Variants in KCNH8 observed in about 807,000 individuals in gnomAD.
KCNH8 encodes voltage-gated delayed rectifier potassium channel KCNH8.
In KCNH8, 70 loss-of-function variants were observed where a neutral mutation model predicts 103.6. The ratio of observed to expected loss-of-function variants is 0.68; its 90% CI spans 0.56 to 0.82. The LOEUF (loss-of-function observed/expected upper bound fraction) is 0.82, where lower values mean the gene tolerates loss of function less well. Ranked by LOEUF, KCNH8 falls within the 40% of genes least tolerant of loss-of-function variation. The pLI, the probability that KCNH8 is intolerant of heterozygous loss-of-function variation, is 0.00. For missense variants in KCNH8, 1,217 were observed against 1,329.9 expected, an observed-to-expected ratio of 0.92 and a Z score of 1.32; for synonymous variants, 498 against 489.4, an observed-to-expected ratio of 1.02 and a Z score of -0.23.
intron 11 of KCNH8, among the ~76,000 whole-genome samples, chr3:19,487,468 T>C (rs1338233811): frequency 1.3e-5 from 2 of 152,116 alleles, no homozygotes; most frequent in Non-Finnish European, 1.5e-5. Context: ...TTCTAAATTA[T>C]AGGTGCTTTT....
chr3:19,238,376 TC>T (rs1400442966), intron 1 of KCNH8, among the ~76,000 whole-genome samples: 8 of 152,080 alleles, frequency 5.3e-5, no homozygotes, highest in Non-Finnish European at 1.2e-4. Flanking sequence ...TGGTATAATT[TC>T]CCTGTCTCAA....
At chr3:19,190,423 G>A (rs2063540067) in intron 1 of KCNH8, among the ~76,000 whole-genome samples, 1 of 151,854 alleles carries the variant, frequency 6.6e-6, no homozygotes, top group African/African-American at 2.4e-5. Flanking sequence ...AGCAGATTGA[G>A]TTTTTTATTG....
At chr3:19,525,812 C>T (rs1366415142) in intron 15 of KCNH8, among the ~76,000 whole-genome samples, 1 of 151,948 alleles carries the variant, frequency 6.6e-6, no homozygotes, top group Non-Finnish European at 1.5e-5. Flanking sequence ...ATTCTAGTCT[C>T]TCCAGCTGTA....
chr3:19,432,288 A>G (rs2125166928), intron 7 of KCNH8, among the ~76,000 whole-genome samples: 1 of 152,302 alleles, frequency 6.6e-6, no homozygotes, highest in South Asian at 2.1e-4. Context: ...TTTTCAATAG[A>G]TGACAACACC....
At chr3:19,333,325 G>A (rs2125311526) in intron 3 of KCNH8, among the ~76,000 whole-genome samples, 1 of 152,240 alleles carries the variant, frequency 6.6e-6, no homozygotes, top group South Asian at 2.1e-4. Flanking sequence ...CTAATTTGAA[G>A]CTTCCATATA....
chr3:19,324,042 G>A (rs1473936685), intron 3 of KCNH8, among the ~76,000 whole-genome samples: 1 of 152,170 alleles, frequency 6.6e-6, no homozygotes, highest in Non-Finnish European at 1.5e-5. Context: ...GGATCAGGCA[G>A]TGGGTGGATC....
At chr3:19,420,889 T>G (rs970593705) in intron 7 of KCNH8, among the ~76,000 whole-genome samples, 6 of 152,206 alleles carry the variant, frequency 3.9e-5, no homozygotes, top group African/African-American at 1.4e-4. Context: ...ATCAACAACA[T>G]GCTTAGTGAA....
chr3:19,337,687 C>T (rs916984981), intron 3 of KCNH8, among the ~76,000 whole-genome samples: 2 of 152,072 alleles, frequency 1.3e-5, no homozygotes, highest in Non-Finnish European at 2.9e-5. Flanking sequence ...GCCAGCTTTG[C>T]TCCATGTCTA....
intron 2 of KCNH8, among the ~76,000 whole-genome samples, chr3:19,262,993 C>T (rs868424559): frequency 2.0e-5 from 3 of 151,996 alleles, no homozygotes; most frequent in Non-Finnish European, 4.4e-5. Flanking sequence ...TTATAAAGTT[C>T]TCCTCAGGCT....
intron 8 of KCNH8, among the ~76,000 whole-genome samples, chr3:19,446,621 AG>A (rs1178078748): frequency 2.6e-5 from 4 of 152,016 alleles, no homozygotes; most frequent in African/African-American, 9.7e-5. Flanking sequence ...GAAGGAGGGC[AG>A]CTAAGATTAC....
At chr3:19,515,450 C>T (rs781633412) in intron 14 of KCNH8, 22 bp downstream of exon 14, 3 of 1,215,852 alleles carry the variant, frequency 2.5e-6, no homozygotes, top group Non-Finnish European at 3.4e-6. Context: ...ATTTAGTCTT[C>T]TCCTAAGGTA....
intron 7 of KCNH8, among the ~76,000 whole-genome samples, chr3:19,434,248 A>G (rs1205374496): frequency 6.6e-6 from 1 of 152,258 alleles, no homozygotes; most frequent in Non-Finnish European, 1.5e-5. Context: ...TTTCTTATCA[A>G]TGATGTTTGT....
intron 1 of KCNH8, among the ~76,000 whole-genome samples, chr3:19,220,002 T>C (rs1302032514): frequency 6.6e-6 from 1 of 152,222 alleles, no homozygotes; most frequent in Non-Finnish European, 1.5e-5. Context: ...ACGTTACATC[T>C]ACTTGCCTTA....
chr3:19,289,101 A>C (rs1196369867), intron 3 of KCNH8, among the ~76,000 whole-genome samples: 1 of 151,800 alleles, frequency 6.6e-6, no homozygotes, highest in Non-Finnish European at 1.5e-5. Flanking sequence ...AATTTGTTTG[A>C]GTTCATTGTA....
chr3:19,513,315 C>T lies in KCNH8; in HGVS notation c.2425C>T (p.Leu809Phe), dbSNP rs757479763. 6.9e-6 allele frequency: 11 copies of T among 1,595,434 alleles called. No homozygotes were observed. Among genetic ancestry groups the T allele is most frequent in the East Asian group, 2.2e-5 (1 of 44,792 alleles). ...TTTGAATAATGCTGGACCCCCAGAC[C>T]TCAGTCCAAGGTAAGAGTTCATATC... ...STLNNAGPPD[L>F]SPRIVDGIED... Residue 809 changes from leucine to phenylalanine, a missense_variant, in exon 13 of 16, where the codon CTC (leucine) becomes TTC (phenylalanine). Leu to Phe is a conservative substitution (Grantham distance 22, BLOSUM62 0). Coordinates refer to ENST00000328405, the MANE Select transcript of KCNH8 (RefSeq NM_144633.3).
intron 2 of KCNH8, among the ~76,000 whole-genome samples, chr3:19,278,229 G>A (rs2064703096): frequency 6.6e-6 from 1 of 152,082 alleles, no homozygotes; most frequent in Admixed American, 6.6e-5. Flanking sequence ...GTCTTGCATT[G>A]AACATGATTG....
At chr3:19,358,172 T>TCTTC (rs10576905) in intron 5 of KCNH8, among the ~76,000 whole-genome samples, 14 of 148,776 alleles carry the variant, frequency 9.4e-5, no homozygotes, top group South Asian at 4.2e-4. Flanking sequence ...TCCTTCCTTT[T>TCTTC]CTTCCTTCCT....
At chr3:19,408,221 C>A (rs1046928423) in intron 7 of KCNH8, among the ~76,000 whole-genome samples, 4 of 151,862 alleles carry the variant, frequency 2.6e-5, no homozygotes, top group African/African-American at 9.7e-5. Context: ...AAAAGAAGTA[C>A]GTAGACATAG....
intron 2 of KCNH8, among the ~76,000 whole-genome samples, chr3:19,259,389 A>C (rs2064398133): frequency 6.6e-6 from 1 of 151,910 alleles, no homozygotes; most frequent in African/African-American, 2.4e-5. Flanking sequence ...ACTGGGTAAT[A>C]ATAGACCTAA....
Sources: allele counts gnomAD v4.1 joint callset (sites outside exome capture counted in the v4.1 genomes callset), GRCh38; gene constraint gnomAD v4.1.1; transcripts MANE v1.5; gene names NCBI Gene and HGNC (gene_info 2026-07-23, HGNC 2026-07-21).